LARGE1: variants seen among roughly 807,000 people sequenced by gnomAD.
The protein encoded by LARGE1 is xylosyl- and glucuronyltransferase LARGE1.
A neutral mutation model predicts 87.6 loss-of-function variants in LARGE1; 43 were observed. The observed-to-expected ratio is 0.49, with a 90% CI of 0.38 to 0.63. LARGE1 has a LOEUF of 0.63. Ranked by LOEUF, LARGE1 falls within the 30% of genes least tolerant of loss-of-function variation. The pLI is 0.00. For synonymous variants in LARGE1, 434 were observed against 394.6 expected (o/e 1.10, Z -1.18); for missense variants, 802 against 1,000.2 (o/e 0.80, Z 2.67).
intron 2 of LARGE1, among the ~76,000 whole-genome samples, chr22:33,713,204 T>C (rs928327153): frequency 2.6e-5 from 4 of 152,166 alleles, no homozygotes; most frequent in Non-Finnish European, 4.4e-5. Flanking sequence ...TTATGCATAA[T>C]AGTCCCAGAA....
the LARGE1 span, among the ~76,000 whole-genome samples, chr22:33,127,889 G>T: frequency 6.6e-6 from 1 of 152,200 alleles, no homozygotes; most frequent in African/African-American, 2.4e-5. Flanking sequence ...CTTGAAATTT[G>T]TTGAGTTTCT....
chr22:33,523,584 T>C (rs1399887741), intron 6 of LARGE1, among the ~76,000 whole-genome samples: 1 of 152,236 alleles, frequency 6.6e-6, no homozygotes, highest in South Asian at 2.1e-4. Flanking sequence ...GCAGTGTGGT[T>C]GCCCTGTTTT....
At chr22:33,501,191 C>A (rs2070416380) in intron 6 of LARGE1, among the ~76,000 whole-genome samples, 1 of 152,188 alleles carries the variant, frequency 6.6e-6, no homozygotes, top group African/African-American at 2.4e-5. Flanking sequence ...TAGAGCCACT[C>A]TCCAAGTAAG....
chr22:33,854,682 A>T (rs1282421150), intron 1 of LARGE1, among the ~76,000 whole-genome samples: 1 of 152,114 alleles, frequency 6.6e-6, no homozygotes, highest in African/African-American at 2.4e-5. Flanking sequence ...TTATTTAAAA[A>T]AAAAAAGGTC....
At chr22:33,916,849 A>T (rs961948832) in intron 1 of LARGE1, among the ~76,000 whole-genome samples, 1 of 152,206 alleles carries the variant, frequency 6.6e-6, no homozygotes, top group Admixed American at 6.5e-5. Flanking sequence ...ATCGGTCTTC[A>T]ATCGTTGGTG....
downstream of LARGE1, among the ~76,000 whole-genome samples, chr22:33,270,853 T>C (rs1045992251): frequency 1.3e-5 from 2 of 152,210 alleles, no homozygotes; most frequent in African/African-American, 2.4e-5. Flanking sequence ...TCAGCAAATA[T>C]GTGCTCTGTA....
chr22:33,415,491 G>A lies in LARGE1; in HGVS notation c.892+16670C>T, dbSNP rs973215380. On this transcript the variant is annotated intron_variant, in intron 7 of 14. Coordinates refer to ENST00000397394, the MANE Select transcript of LARGE1 (RefSeq NM_133642.5). ...TCCAGGAAGGGAGGAAGCAATGGTA[G>A]AGCAACTCTTCTAGAACAGTGGCTT... 2.6e-5 allele frequency among the ~76,000 whole-genome samples: 4 copies of A among 152,180 alleles called. No homozygotes were observed. The East Asian group carries it at 5.8e-4, about 22-fold the overall frequency.
At chr22:33,218,916 A>G (rs183067242) in intron 11 of LARGE1, among the ~76,000 whole-genome samples, 40 of 152,360 alleles carry the variant, frequency 2.6e-4, no homozygotes, top group African/African-American at 9.6e-4. Flanking sequence ...TCTCAGCAAT[A>G]GAATCCAAGT....
chr22:33,157,069 T>G, the LARGE1 span, among the ~76,000 whole-genome samples: 1 of 152,194 alleles, frequency 6.6e-6, no homozygotes. Flanking sequence ...ACCTTTCTTT[T>G]GCAAATTGCC....
At chr22:33,380,912 CT>C (rs1393581291) in intron 9 of LARGE1, among the ~76,000 whole-genome samples, 2 of 152,192 alleles carry the variant, frequency 1.3e-5, no homozygotes, top group Non-Finnish European at 2.9e-5. Flanking sequence ...GTGGTCAATT[CT>C]TTACTCCTTC....
chr22:33,464,922 T>C (rs890905970), intron 6 of LARGE1, among the ~76,000 whole-genome samples: 1 of 149,882 alleles, frequency 6.7e-6, no homozygotes, highest in Non-Finnish European at 1.5e-5. Flanking sequence ...CATGCACACA[T>C]ACATGCACGT....
chr22:33,383,999 TG>T (rs2065243237), intron 8 of LARGE1, among the ~76,000 whole-genome samples, 192 bp downstream of exon 8: 1 of 152,206 alleles, frequency 6.6e-6, no homozygotes, highest in Non-Finnish European at 1.5e-5. Flanking sequence ...AATGAACAAA[TG>T]AATGAACAAA....
chr22:33,913,908 T>C (rs1327029498), intron 1 of LARGE1, among the ~76,000 whole-genome samples: 1 of 152,142 alleles, frequency 6.6e-6, no homozygotes, highest in African/African-American at 2.4e-5. Context: ...ATGATTGTGT[T>C]CATCAAATAA....
intron 1 of LARGE1, among the ~76,000 whole-genome samples, chr22:33,905,062 C>CTTTTT (rs71187290): frequency 4.2e-5 from 5 of 118,860 alleles, no homozygotes; most frequent in Non-Finnish European, 6.9e-5. Context: ...TTTTTAATTC[C>CTTTTT]TTTTTTTTTT....
chr22:33,890,556 C>A (rs2064977476), intron 1 of LARGE1, among the ~76,000 whole-genome samples: 1 of 152,156 alleles, frequency 6.6e-6, no homozygotes, highest in Non-Finnish European at 1.5e-5. Context: ...CAAAATCTCA[C>A]AGGTACATGC....
intron 2 of LARGE1, among the ~76,000 whole-genome samples, chr22:33,654,831 G>C (rs1181817895): frequency 6.6e-6 from 1 of 152,190 alleles, no homozygotes; most frequent in African/African-American, 2.4e-5. Context: ...GAAGCACAAG[G>C]AGCTTGGGTG....
chr22:33,664,543 C>T (rs1449900065), intron 2 of LARGE1, among the ~76,000 whole-genome samples: 1 of 152,220 alleles, frequency 6.6e-6, no homozygotes, highest in Non-Finnish European at 1.5e-5. Context: ...ACTCATTCTA[C>T]TTGTCACTCA....
intron 6 of LARGE1, among the ~76,000 whole-genome samples, chr22:33,441,561 C>T (rs1448597197): frequency 6.6e-6 from 1 of 152,180 alleles, no homozygotes; most frequent in Non-Finnish European, 1.5e-5. Flanking sequence ...TCAAGCTATC[C>T]TCCTGCCCCA....
chr22:33,089,820 T>C, the LARGE1 span, among the ~76,000 whole-genome samples: 2 of 152,128 alleles, frequency 1.3e-5, no homozygotes, highest in East Asian at 3.8e-4. Flanking sequence ...TTATGTAGCC[T>C]TACAGAAGAA....
Sources: allele counts gnomAD v4.1 joint callset (sites outside exome capture counted in the v4.1 genomes callset), GRCh38; gene constraint gnomAD v4.1.1; transcripts MANE v1.5; gene names NCBI Gene and HGNC (gene_info 2026-07-23, HGNC 2026-07-21).